The following TDRD3 variants were observed in gnomAD, a reference collection of about 807,000 sequenced individuals.
TDRD3 encodes tudor domain-containing protein 3.
TDRD3 carries 45 observed loss-of-function variants against 86.7 expected under a neutral mutation model. That is an observed-to-expected ratio of 0.52 (90% CI 0.41 to 0.67). The LOEUF is 0.67. TDRD3 is among the 30% of genes least tolerant of loss of function. TDRD3 has a pLI of 0.00. For synonymous variants in TDRD3, 298 were observed against 301.7 expected, an observed-to-expected ratio of 0.99 and a Z score of 0.13; for missense variants, 814 against 889.0, an observed-to-expected ratio of 0.92 and a Z score of 1.07.
At position 60,440,907 on chromosome 13, in the gene TDRD3, A is replaced by G. The variant is rs1175152794; in HGVS notation, c.126+1135A>G. 2.0e-5 allele frequency among the ~76,000 whole-genome samples: 3 copies of G among 152,160 alleles called. No homozygotes were observed. The East Asian group carries it at 5.8e-4, about 29-fold the overall frequency. On this transcript the variant is annotated intron_variant, in intron 2 of 13. Transcript: ENST00000377881. ...ACAAGGAACATTTAAAACATAAATA[A>G]ATGTATAAATCTAACGTTAAAAAAG... is the stretch of plus-strand genomic sequence containing the variant.
intron 1 of TDRD3, among the ~76,000 whole-genome samples, chr13:60,436,612 T>G (rs1955114838): frequency 6.6e-6 from 1 of 152,198 alleles, no homozygotes; most frequent in African/African-American, 2.4e-5. Flanking sequence ...TTCTCTATTC[T>G]GTTCCATTGG....
chr13:60,518,627 T>C (rs910682020), intron 10 of TDRD3, among the ~76,000 whole-genome samples: 2 of 152,222 alleles, frequency 1.3e-5, no homozygotes, highest in Admixed American at 6.5e-5. Context: ...AGGTAGTTAA[T>C]AATTTCAGTG....
chr13:60,487,392 C>G lies in TDRD3; in HGVS notation c.717+1444C>G, dbSNP rs191686242. 2.9e-3 allele frequency among the ~76,000 whole-genome samples: 444 copies of G among 152,220 alleles called. 2 individuals are homozygous for G. The highest frequency in any genetic ancestry group is 9.3e-3 in the African/African-American group (387 of 41,524). On this transcript the variant is annotated intron_variant, in intron 7 of 13. Coordinates refer to ENST00000377881, the MANE Select transcript of TDRD3 (RefSeq NM_001146070.2). ...TCAAGAGGCAGAGGCAAGAGAATCA[C>G]TTGAACTCGGAAGGCGGAGGTTGCA...
rs1181854066 is a variant in TDRD3 at position 60,524,974 on chromosome 13, G to A, written c.1142-3393G>A. Among the ~76,000 whole-genome samples the A allele has an allele frequency of 4.1e-5, 6 of 145,222 alleles. No homozygotes were observed. In the Admixed American group the frequency reaches 4.2e-4, roughly 10 times the overall value. On this transcript the variant is annotated intron_variant, in intron 10 of 13. Coordinates refer to ENST00000377881, the MANE Select transcript of TDRD3 (RefSeq NM_001146070.2). The stretch of plus-strand genomic sequence containing the variant: ...TGGTGGCAGGCGCCTGTAATCCCAG[G>A]TACTCTGGAGGCTGAGGCAGGAGAA...
intron 7 of TDRD3, among the ~76,000 whole-genome samples, chr13:60,487,626 G>T (rs1327934656): frequency 6.6e-6 from 1 of 152,112 alleles, no homozygotes; most frequent in Non-Finnish European, 1.5e-5. Flanking sequence ...AATCCCTCAC[G>T]GATACCAAAG....
In TDRD3 at chr13:60,552,455, G is replaced by A. The variant is rs141288302; in HGVS notation, c.2119-15070G>A. ...CTCTGCCCCTGTGGCTCTGCAGGGT[G>A]CAGCCCTTATGACTGCTTTCACAGT... On this transcript the variant is annotated intron_variant, in intron 12 of 13. Transcript: ENST00000377881. Among the ~76,000 whole-genome samples, 9 of 152,354 alleles carry A rather than the reference G, an allele frequency of 5.9e-5. No individual in the cohort carries two copies. In the East Asian group the frequency reaches 1.5e-3, roughly 26 times the overall value.
chr13:60,450,763 G>C (rs1955518715), intron 3 of TDRD3, among the ~76,000 whole-genome samples: 1 of 152,164 alleles, frequency 6.6e-6, no homozygotes, highest in Non-Finnish European at 1.5e-5. Context: ...CCGTGTCAAT[G>C]TAGTGAAACA....
chr13:60,454,625 C>T (rs1451901321), intron 3 of TDRD3, among the ~76,000 whole-genome samples: 1 of 152,086 alleles, frequency 6.6e-6, no homozygotes, highest in Non-Finnish European at 1.5e-5. Flanking sequence ...CTAAGGTTAA[C>T]TTTGCCCCTT....
intron 12 of TDRD3, among the ~76,000 whole-genome samples, chr13:60,563,270 AAATG>A (rs1358036891): frequency 6.6e-6 from 1 of 151,914 alleles, no homozygotes; most frequent in Non-Finnish European, 1.5e-5. Context: ...CATTAAGTAA[AAATG>A]AACATATTGC....
At chr13:60,418,695 T>C (rs540459534) in intron 1 of TDRD3, among the ~76,000 whole-genome samples, 3 of 152,358 alleles carry the variant, frequency 2.0e-5, no homozygotes, top group South Asian at 2.1e-4. Flanking sequence ...CTAAATGTTA[T>C]ATAGAATGTT....
intron 4 of TDRD3, among the ~76,000 whole-genome samples, chr13:60,461,483 T>C (rs1021800023): frequency 1.3e-5 from 2 of 152,182 alleles, no homozygotes; most frequent in Admixed American, 1.3e-4. Flanking sequence ...GTGGAAACTT[T>C]CACTAGACAT....
intron 5 of TDRD3, among the ~76,000 whole-genome samples, chr13:60,475,251 C>G (rs142933008): frequency 6.6e-6 from 1 of 152,066 alleles, no homozygotes; most frequent in African/African-American, 2.4e-5. Flanking sequence ...CACCCTTCTC[C>G]CTTAAGCAGT....
At chr13:60,532,511 G>C (rs1487707178) in intron 11 of TDRD3, among the ~76,000 whole-genome samples, 1 of 152,184 alleles carries the variant, frequency 6.6e-6, no homozygotes, top group Non-Finnish European at 1.5e-5. Flanking sequence ...TTTAGGCAGA[G>C]ACAAGGGTAG....
At chr13:60,564,461 G>A (rs1212249789) in intron 12 of TDRD3, among the ~76,000 whole-genome samples, 2 of 152,174 alleles carry the variant, frequency 1.3e-5, no homozygotes, top group Non-Finnish European at 2.9e-5. Context: ...AATCTTAGGC[G>A]AAGATGACAT....
At chr13:60,562,019 T>A (rs1421355085) in intron 12 of TDRD3, among the ~76,000 whole-genome samples, 1 of 152,040 alleles carries the variant, frequency 6.6e-6, no homozygotes, top group Non-Finnish European at 1.5e-5. Flanking sequence ...TCATAGAGAA[T>A]AAGAGCTGAG....
intron 1 of TDRD3, among the ~76,000 whole-genome samples, chr13:60,419,582 G>C (rs1054261878): frequency 1.3e-5 from 2 of 152,082 alleles, no homozygotes; most frequent in Admixed American, 1.3e-4. Context: ...GTTGAACAGT[G>C]AGAACACATG....
chr13:60,487,437 T>C (rs1037814647), intron 7 of TDRD3, among the ~76,000 whole-genome samples: 2 of 151,866 alleles, frequency 1.3e-5, no homozygotes, highest in Non-Finnish European at 1.5e-5. Flanking sequence ...GATTGCACCA[T>C]TGCGCTCCAG....
intron 8 of TDRD3, among the ~76,000 whole-genome samples, chr13:60,496,078 G>A (rs905384373): frequency 9.9e-5 from 15 of 151,656 alleles, no homozygotes; most frequent in Non-Finnish European, 2.1e-4. Context: ...TCACCTGCCA[G>A]TATGGCTACA....
At chr13:60,565,116 C>T (rs1038155423) in intron 12 of TDRD3, among the ~76,000 whole-genome samples, 1 of 128,350 alleles carries the variant, frequency 7.8e-6, no homozygotes, top group African/African-American at 3.0e-5. Flanking sequence ...AGTGCCGTGG[C>T]ACTGTCTGGG....
Sources: allele counts gnomAD v4.1 joint callset (sites outside exome capture counted in the v4.1 genomes callset), GRCh38; gene constraint gnomAD v4.1.1; transcripts MANE v1.5; gene names NCBI Gene and HGNC (gene_info 2026-07-23, HGNC 2026-07-21).